Variants in NOMO2 observed in about 807,000 individuals in gnomAD.
NOMO2 encodes BOS complex subunit NOMO2.
NOMO2 carries 14 observed loss-of-function variants against 67.1 expected under a neutral mutation model. The observed-to-expected ratio is 0.21, with a 90% CI of 0.14 to 0.33. NOMO2 has a LOEUF of 0.33. Among genes scored for constraint, NOMO2 ranks in the 10% least tolerant of loss-of-function variants. The pLI, the probability that NOMO2 is intolerant of heterozygous loss-of-function variation, is 1.00. For missense variants in NOMO2, 178 were observed against 761.0 expected, an observed-to-expected ratio of 0.23 and a Z score of 9.01; for synonymous variants, 80 against 305.9, an observed-to-expected ratio of 0.26 and a Z score of 7.71.
chr16:18,557,350 G>A (rs867681815), intron 2 of NOMO2, among the ~76,000 whole-genome samples: 1,464 of 147,056 alleles, frequency 1.0e-2, no homozygotes, highest in African/African-American at 0.036. Flanking sequence ...ATGAAATCAG[G>A]GTTTCTCAGC....
intron 10 of NOMO2, 90 bp downstream of exon 10, chr16:18,538,769 G>A: frequency 6.3e-7 from 1 of 1,591,810 alleles, no homozygotes; most frequent in South Asian, 1.1e-5. Flanking sequence ...AAGCTGCCAT[G>A]TTCTCATATA....
At chr16:18,520,503 G>T in intron 20 of NOMO2, 94 bp downstream of exon 20, 1 of 660,500 alleles carries the variant, frequency 1.5e-6, no homozygotes. Flanking sequence ...TACAAAGATG[G>T]CTTCACTATA....
chr16:18,528,986 AAAATACATATAT>A (rs1901221745), intron 15 of NOMO2, among the ~76,000 whole-genome samples: 1 of 89,842 alleles, frequency 1.1e-5, no homozygotes, highest in African/African-American at 4.0e-5. Flanking sequence ...AAAAAAAAAA[AAAATACATATAT>A]ATATATATAT....
intron 11 of NOMO2, among the ~76,000 whole-genome samples, chr16:18,537,275 C>T (rs1289030764): frequency 2.0e-5 from 3 of 151,482 alleles, no homozygotes; most frequent in African/African-American, 7.3e-5. Context: ...AAGCTGGGCA[C>T]CCTAAATATC....
chr16:18,561,193 A>AAAAC (rs1555467951), intron 1 of NOMO2, among the ~76,000 whole-genome samples: 72 of 143,940 alleles, frequency 5.0e-4, no homozygotes, highest in Admixed American at 9.2e-4. Flanking sequence ...AAAAAAAAAA[A>AAAAC]AAAAAAAAAA....
chr16:18,528,515 A>G (rs371049229), intron 15 of NOMO2, among the ~76,000 whole-genome samples: 231 of 151,698 alleles, frequency 1.5e-3, no homozygotes, highest in East Asian at 7.5e-3. Flanking sequence ...GCCGCCACTC[A>G]ACATCAAAAC....
In NOMO2 at chr16:18,531,554, T is replaced by C. The variant is rs1357941488; in HGVS notation, c.1449A>G (p.Thr483=). The C allele has an allele frequency of 6.2e-7, 1 of 1,608,686 alleles. No individual in the cohort carries two copies. Among genetic ancestry groups the C allele is most frequent in the African/African-American group, 1.3e-5 (1 of 74,802 alleles). ...TRAGLTLKPQ[T]FPLTVTDRPV... ...GCCTGTCGGTCACAGTAAGAGGAAATGTCTGGGGTTTCAACGTCAGCCCTG... is the reference window on the plus strand; with the variant it reads ...GCCTGTCGGTCACAGTAAGAGGAAACGTCTGGGGTTTCAACGTCAGCCCTG... Residue 483 remains threonine, a synonymous_variant, in exon 13 of 31, where the codon ACA becomes ACG. Transcript: ENST00000622306.
Position 18,557,922 on chromosome 16 carries a change from G to C in NOMO2, c.166-131C>G, listed in dbSNP as rs563045316. 2.5e-4 allele frequency: 383 copies of C among 1,518,796 alleles called. 2 individuals carry two copies. The African/African-American group carries it at 4.7e-3, about 19-fold the overall frequency. The allele number at this position is 1,518,796 out of a possible 1,614,324, so 94.1% of individuals were successfully genotyped here. ...ACTATATACCAGCTTTTAACACGGG[G>C]CATTACTGGGGACAGAGGGAAATCA... On this transcript the variant is annotated intron_variant, in intron 1 of 30. Transcript: ENST00000622306.
intron 8 of NOMO2, 49 bp downstream of exon 8, chr16:18,542,544 GT>G (rs1198993630): frequency 1.9e-5 from 16 of 841,278 alleles, no homozygotes; most frequent in African/African-American, 3.3e-5. Flanking sequence ...GGCTTTTACT[GT>G]GTCATGAGAG....
chr16:18,548,342 C>G (rs1405525693), intron 5 of NOMO2, among the ~76,000 whole-genome samples: 1 of 151,588 alleles, frequency 6.6e-6, no homozygotes, highest in East Asian at 1.9e-4. Flanking sequence ...ACCAGTCAAG[C>G]AGAAGTAAAT....
chr16:18,545,097 A>ATT (rs61049313), intron 6 of NOMO2, among the ~76,000 whole-genome samples: 25 of 108,504 alleles, frequency 2.3e-4, no homozygotes, highest in East Asian at 5.8e-4. Context: ...TTTCGAATAA[A>ATT]TTTTTTTTTT....
chr16:18,553,791 C>T (rs911197802), intron 3 of NOMO2, among the ~76,000 whole-genome samples: 7 of 130,518 alleles, frequency 5.4e-5, no homozygotes, highest in South Asian at 2.8e-4. Context: ...CTTTCTGGAA[C>T]GTACCAGCCA....
In NOMO2 at chr16:18,561,190, A is replaced by C. The variant is rs1346978094; in HGVS notation, c.165+686T>G. 5.7e-5 allele frequency among the ~76,000 whole-genome samples: 8 copies of C among 141,184 alleles called. 2 individuals carry two copies. Among genetic ancestry groups the C allele is most frequent in the Admixed American group, 5.1e-4 (7 of 13,762 alleles). 92.6% of individuals were successfully genotyped at this position (141,184 alleles called of 152,430 possible). On this transcript the variant is annotated intron_variant, in intron 1 of 30. Transcript: ENST00000622306. ...AACTTAATTAAAAAAAAAAAAAAAA[A>C]AAAAAAAAAAAAAAAAACCTTTACA...
chr16:18,534,282 A>T (rs369829361), intron 11 of NOMO2, among the ~76,000 whole-genome samples: 2 of 148,954 alleles, frequency 1.3e-5, no homozygotes, highest in Non-Finnish European at 3.0e-5. Flanking sequence ...CCCCCCTCCC[A>T]TTTGTGTATG....
Position 18,533,189 on chromosome 16 carries a change from G to A in NOMO2, c.1221-10C>T. ...ACCACAGACACTGAACCTGCAAAGA[G>A]AAGACCATTCATTCCAGCACGAGGA... On this transcript the variant is annotated splice_polypyrimidine_tract_variant and intron_variant, in intron 11 of 30. Coordinates refer to ENST00000622306, the MANE Select transcript of NOMO2 (RefSeq NM_173614.4). The A allele has an allele frequency of 6.2e-7, 1 of 1,611,214 alleles. No homozygotes were observed. Among genetic ancestry groups the A allele is most frequent in the Non-Finnish European group, 8.5e-7 (1 of 1,179,678 alleles).
intron 2 of NOMO2, among the ~76,000 whole-genome samples, chr16:18,557,152 A>G (rs553909172): frequency 6.6e-6 from 1 of 152,160 alleles, no homozygotes; most frequent in South Asian, 2.1e-4. Context: ...AAACAACAAA[A>G]AAAACCTTTA....
intron 1 of NOMO2, 118 bp from the exon 2 acceptor site, chr16:18,557,909 C>G (rs1165799519): frequency 6.3e-7 from 1 of 1,577,938 alleles, no homozygotes; most frequent in Non-Finnish European, 8.6e-7. Flanking sequence ...TATATACCAG[C>G]TTTTAACACG....
intron 11 of NOMO2, among the ~76,000 whole-genome samples, chr16:18,537,259 C>T (rs1418207987): frequency 6.6e-6 from 1 of 151,762 alleles, no homozygotes; most frequent in Non-Finnish European, 1.5e-5. Flanking sequence ...AGCCATCACA[C>T]CTCTCAAGCT....
At chr16:18,560,198 C>T (rs570970802) in intron 1 of NOMO2, among the ~76,000 whole-genome samples, 6 of 151,958 alleles carry the variant, frequency 3.9e-5, no homozygotes, top group African/African-American at 1.4e-4. Flanking sequence ...ATCAAGATGG[C>T]CAGTATGAAA....
Sources: gnomAD v4.1 joint callset for allele counts (sites outside exome capture counted in the v4.1 genomes callset) on GRCh38, gnomAD v4.1.1 for gene constraint, MANE v1.5 for transcripts, NCBI Gene and HGNC (gene_info 2026-07-23, HGNC 2026-07-21) for gene names.